Variants in SMAP2 observed in about 807,000 individuals in gnomAD.
The protein encoded by SMAP2 is stromal membrane-associated protein 2.
In SMAP2, 25 loss-of-function variants were observed where a neutral mutation model predicts 56.4. The observed-to-expected ratio is 0.44, with a 90% CI of 0.32 to 0.62. The LOEUF is 0.62. Ranked by LOEUF, SMAP2 falls within the 20% of genes least tolerant of loss-of-function variation. The pLI is 0.04. For missense variants in SMAP2, 388 were observed against 545.6 expected, an observed-to-expected ratio of 0.71 and a Z score of 2.88; for synonymous variants, 157 against 181.7, an observed-to-expected ratio of 0.86 and a Z score of 1.09.
upstream of SMAP2, among the ~76,000 whole-genome samples, chr1:40,371,685 C>G (rs949946667): frequency 6.6e-6 from 1 of 152,156 alleles, no homozygotes; most frequent in African/African-American, 2.4e-5. Context: ...TTGGTCTTTC[C>G]CAATCACTTG....
Position 40,386,761 on chromosome 1 carries a change from A to G in SMAP2, c.103+12538A>G, listed in dbSNP as rs925673104. Among the ~76,000 whole-genome samples, 1 of 141,948 alleles carries G rather than the reference A, an allele frequency of 7.0e-6. No individual in the cohort carries two copies. The highest frequency in any genetic ancestry group is 1.5e-5 in the Non-Finnish European group (1 of 65,074). 93.1% of individuals were successfully genotyped at this position (141,948 alleles called of 152,430 possible). On this transcript the variant is annotated intron_variant, in intron 1 of 9. Coordinates refer to ENST00000372718, the MANE Select transcript of SMAP2 (RefSeq NM_022733.3). The surrounding 1 kb of genome is among the most constrained non-coding windows in gnomAD (Gnocchi z 4.1). ...GCTGGTTTTTTTTAAAACAACAACA[A>G]CTTTATCTTTTATGATTCTGAAACC...
intron 1 of SMAP2, chr1:40,393,442 T>C: frequency 6.5e-7 from 1 of 1,535,514 alleles, no homozygotes. Flanking sequence ...AGAGCAAGAT[T>C]TGCACAAAAA....
At chr1:40,356,020 T>C (rs1644433888) in intron 1 of SMAP2, among the ~76,000 whole-genome samples, 1 of 152,180 alleles carries the variant, frequency 6.6e-6, no homozygotes, top group Admixed American at 6.5e-5. Flanking sequence ...ATTATTCTTC[T>C]CTCTGTCTCC....
In SMAP2 at chr1:40,422,882, T is replaced by C. The variant is rs1467734203; in HGVS notation, c.*781T>C. 6.6e-6 allele frequency: 1 copy of C among 152,452 alleles called. No individual in the cohort carries two copies. Among genetic ancestry groups the C allele is most frequent in the Non-Finnish European group, 1.5e-5 (1 of 68,300 alleles). The allele number at this position is 152,452 out of a possible 1,614,324, so 9.4% of individuals were successfully genotyped here. A position where few individuals can be genotyped will look rare whatever the true frequency, so the allele number is the denominator to read the frequency against. ...GAATGCAGAGCTTAACGTGTACTGC[T>C]TGTGTGTGTGCGTGAGTGTGTGTGT... On this transcript the variant is annotated 3_prime_UTR_variant, in exon 10 of 10. Transcript: ENST00000372718.
rs1644643558 is a variant in SMAP2, at chr1:40,385,413, T to A, written c.103+11190T>A. On this transcript the variant is annotated intron_variant, in intron 1 of 9. Transcript: ENST00000372718. This position sits in a 1 kb window ranked among gnomAD's most constrained non-coding sequence, Gnocchi z 4.5. Reference sequence around the variant, plus strand: ...GGATTTCATAAGCTTACTTGGAAAATACTTTTTTAAAAAAAACATTTCAGG... The same window carrying A: ...GGATTTCATAAGCTTACTTGGAAAAAACTTTTTTAAAAAAAACATTTCAGG... Among the ~76,000 whole-genome samples the A allele has an allele frequency of 6.6e-6, 1 of 152,132 alleles. No homozygotes were observed. The highest frequency in any genetic ancestry group is 2.1e-4 in the South Asian group (1 of 4,828).
rs371429851 is a variant in SMAP2 at position 40,415,349 on chromosome 1, G to C, written c.649G>C (p.Val217Leu). Residue 217 changes from valine to leucine, a missense_variant, in exon 7 of 10, where the codon GTT becomes CTT. Transcript: ENST00000372718. ...LEKDLDLLAS[V>L]PSPSSSGSRK... ...GAAGGATTTAGATCTGTTGGCCTCT[G>C]TTCCATCCCCTTCTTCTTCCGGTTC... The C allele has an allele frequency of 6.2e-7, 1 of 1,613,670 alleles. No individual in the cohort carries two copies. The highest frequency in any genetic ancestry group is 1.7e-5 in the Admixed American group (1 of 60,000).
rs1644437113 is a variant in SMAP2 at position 40,356,509 on chromosome 1, C to T, written c.-82-5791C>T. ...TACTGCAAGCTCTGCCTCCCGGGTC[C>T]ACACCATTCTCCTGCCTCAGCCTCC... On this transcript the variant is annotated intron_variant, in intron 1 of 6. Transcript: ENST00000435168. Among the ~76,000 whole-genome samples the T allele has an allele frequency of 2.0e-5, 3 of 151,750 alleles. No individual in the cohort carries two copies. In the South Asian group the frequency reaches 6.2e-4, roughly 32 times the overall value.
At position 40,374,563 on chromosome 1, in the gene SMAP2, G is replaced by A. The variant is rs774702474; in HGVS notation, c.103+340G>A. ...CTCCCAGCATGTCACTTGCAAAGCTGGGGATGAACTGCATTGCGTGCGTGC... is the reference window on the plus strand; with the variant it reads ...CTCCCAGCATGTCACTTGCAAAGCTAGGGATGAACTGCATTGCGTGCGTGC... On this transcript the variant is annotated intron_variant, in intron 1 of 9. Coordinates refer to ENST00000372718, the MANE Select transcript of SMAP2 (RefSeq NM_022733.3). The surrounding 1 kb of genome is among the most constrained non-coding windows in gnomAD (Gnocchi z 5.9). 3.6e-5 allele frequency: 43 copies of A among 1,183,192 alleles called. No homozygotes were observed. Among genetic ancestry groups the A allele is most frequent in the Non-Finnish European group, 4.9e-5 (40 of 818,076 alleles). 73.3% of individuals were successfully genotyped at this position (1,183,192 alleles called of 1,614,324 possible). A position where few individuals can be genotyped will look rare whatever the true frequency, so the allele number is the denominator to read the frequency against.
At chr1:40,395,461 C>G (rs1446901333) in intron 1 of SMAP2, among the ~76,000 whole-genome samples, 1 of 152,070 alleles carries the variant, frequency 6.6e-6, no homozygotes, top group African/African-American at 2.4e-5. Context: ...GTGGGAAGAT[C>G]ACTTGAGCCC....
intron 1 of SMAP2, chr1:40,393,477 G>T: frequency 6.5e-7 from 1 of 1,534,808 alleles, no homozygotes; most frequent in Non-Finnish European, 8.7e-7. Flanking sequence ...AGAGGAAATA[G>T]GCCCTGTAAA....
chr1:40,356,535 T>C (rs1213805085), intron 1 of SMAP2, among the ~76,000 whole-genome samples: 2 of 151,748 alleles, frequency 1.3e-5, no homozygotes, highest in African/African-American at 4.8e-5. Context: ...CTCAGCCTCC[T>C]GAGTAGCTGG....
chr1:40,373,142 C>A (rs997426464), upstream of SMAP2, among the ~76,000 whole-genome samples: 2 of 152,104 alleles, frequency 1.3e-5, no homozygotes, highest in Non-Finnish European at 1.5e-5. Context: ...AACAAACTGT[C>A]TGGGCACCAG....
At chr1:40,379,851 G>T (rs945981720) in intron 1 of SMAP2, among the ~76,000 whole-genome samples, 3 of 152,042 alleles carry the variant, frequency 2.0e-5, no homozygotes, top group African/African-American at 7.2e-5. Flanking sequence ...CTCTTTGAAG[G>T]CATCTTAGAA....
chr1:40,373,356 C>T (rs376830621), upstream of SMAP2, among the ~76,000 whole-genome samples: 31 of 152,290 alleles, frequency 2.0e-4, no homozygotes, highest in East Asian at 1.7e-3. Context: ...ATCAACAACC[C>T]TCAGGTTACA....
chr1:40,352,480 C>T (rs1180860295), intron 1 of SMAP2, among the ~76,000 whole-genome samples: 2 of 152,114 alleles, frequency 1.3e-5, no homozygotes, highest in Non-Finnish European at 2.9e-5. Context: ...TCTTTCTCTT[C>T]TTCCTTCTTT....
rs1016010041 is a variant in SMAP2 at position 40,375,541 on chromosome 1, A to G, written c.103+1318A>G. ...TACCAACAGATAAATGGAATGTGCCATTAGGAAAACAAATTCCTAGACTTC... is the reference window on the plus strand; with the variant it reads ...TACCAACAGATAAATGGAATGTGCCGTTAGGAAAACAAATTCCTAGACTTC... On this transcript the variant is annotated intron_variant, in intron 1 of 9. Transcript: ENST00000372718. Among the ~76,000 whole-genome samples the G allele has an allele frequency of 9.2e-5, 14 of 152,370 alleles. 1 individual carries two copies. Among genetic ancestry groups the G allele is most frequent in the East Asian group, 5.8e-4 (3 of 5,188 alleles).
At chr1:40,411,339 G>T (rs915396018) in intron 4 of SMAP2, among the ~76,000 whole-genome samples, 6 of 152,210 alleles carry the variant, frequency 3.9e-5, no homozygotes, top group Non-Finnish European at 8.8e-5. Flanking sequence ...GAAAACTGTG[G>T]TCTGTCTGCC....
At chr1:40,382,811 C>G (rs1289183405) in intron 1 of SMAP2, among the ~76,000 whole-genome samples, 1 of 152,170 alleles carries the variant, frequency 6.6e-6, no homozygotes, top group Non-Finnish European at 1.5e-5. Context: ...CTGTAGTGTT[C>G]CCAGCACCTA....
intron 8 of SMAP2, 82 bp from the exon 9 acceptor site, chr1:40,416,698 G>A: frequency 7.3e-7 from 1 of 1,379,068 alleles, no homozygotes; most frequent in African/African-American, 1.4e-5. Context: ...AATTCCAGCT[G>A]GAAAGGGTTA....
Sources: allele counts gnomAD v4.1 joint callset (sites outside exome capture counted in the v4.1 genomes callset), GRCh38; gene constraint gnomAD v4.1.1; non-coding constraint Gnocchi (gnomAD v3.1); transcripts MANE v1.5; gene names NCBI Gene and HGNC (gene_info 2026-07-23, HGNC 2026-07-21).